Variants in DAG1 observed in about 807,000 individuals in gnomAD.
DAG1 encodes dystroglycan 1 (dystrophin-associated glycoprotein 1).
DAG1 carries 8 observed loss-of-function variants against 46.1 expected under a neutral mutation model. The ratio of observed to expected loss-of-function variants is 0.17; its 90% CI spans 0.10 to 0.31. The LOEUF (loss-of-function observed/expected upper bound fraction) is 0.31, where lower values mean the gene tolerates loss of function less well. Ranked by LOEUF, DAG1 falls within the 10% of genes least tolerant of loss-of-function variation. DAG1 has a pLI of 1.00. For synonymous variants in DAG1, 495 were observed against 481.8 expected (o/e 1.03, Z -0.36); for missense variants, 1,003 against 1,189.9 (o/e 0.84, Z 2.31).
chr3:49,501,008 G>T (rs1245261203), intron 1 of DAG1, among the ~76,000 whole-genome samples: 2 of 152,182 alleles, frequency 1.3e-5, no homozygotes, highest in Non-Finnish European at 2.9e-5. Flanking sequence ...TTGCTTATAG[G>T]AAGCCAGCAT....
Position 49,531,369 on chromosome 3 carries a change from G to A in DAG1, c.858G>A (p.Met286Ile). ...GVEAPAREGA[M>I]SAQLGYPVVG... is the part of the protein sequence containing the mutation. ...AGGCCCCTGCCAGGGAGGGCGCAAT[G>A]TCTGCTCAGCTTGGCTACCCTGTGG... The change falls in exon 3 of 3, where the codon ATG (methionine) becomes ATA (isoleucine). Residue 286 changes from methionine to isoleucine, a missense_variant. Transcript: ENST00000308775. This position sits in a 1 kb window ranked among gnomAD's most constrained non-coding sequence, Gnocchi z 7.0. 1 of 1,614,140 alleles carries A rather than the reference G, an allele frequency of 6.2e-7. No individual in the cohort carries two copies. The highest frequency in any genetic ancestry group is 8.5e-7 in the Non-Finnish European group (1 of 1,180,026).
At position 49,531,812 on chromosome 3, in the gene DAG1, C is replaced by T. The variant is rs1361406415; in HGVS notation, c.1301C>T (p.Pro434Leu). The part of the protein sequence containing the change: ...TKKPRVSTPK[P>L]ATPSTDSTTT... ...AAGCCACGAGTATCCACACCAAAACCAGCAACGCCTTCAACTGACTCCACC... is the reference window on the plus strand; with the variant it reads ...AAGCCACGAGTATCCACACCAAAACTAGCAACGCCTTCAACTGACTCCACC... Residue 434 changes from proline to leucine, a missense_variant, in exon 3 of 3, where the codon CCA (proline) becomes CTA (leucine). Pro to Leu is a moderately conservative substitution (Grantham distance 98). Coordinates refer to ENST00000308775, the MANE Select transcript of DAG1 (RefSeq NM_004393.6). This position sits in a 1 kb window ranked among gnomAD's most constrained non-coding sequence, Gnocchi z 7.0. The T allele has an allele frequency of 6.2e-7, 1 of 1,614,006 alleles. No homozygotes were observed. Among genetic ancestry groups the T allele is most frequent in the Non-Finnish European group, 8.5e-7 (1 of 1,180,008 alleles).
At position 49,533,334 on chromosome 3, in the gene DAG1, G is replaced by C. The variant is rs751477157; in HGVS notation, c.*135G>C. The C allele has an allele frequency of 7.6e-7, 1 of 1,323,248 alleles. No individual in the cohort carries two copies. Among genetic ancestry groups the C allele is most frequent in the Non-Finnish European group, 1.1e-6 (1 of 951,884 alleles). 82.0% of individuals were successfully genotyped at this position (1,323,248 alleles called of 1,614,324 possible). A position where few individuals can be genotyped will look rare whatever the true frequency, so the allele number is the denominator to read the frequency against. On this transcript the variant is annotated 3_prime_UTR_variant, in exon 3 of 3. Coordinates refer to ENST00000308775, the MANE Select transcript of DAG1 (RefSeq NM_004393.6). ...TGACCTAGCACACACTGACACAGGGGCCTGGACAAGCCCGCCCTCTCTGGT... is the reference window on the plus strand; with the variant it reads ...TGACCTAGCACACACTGACACAGGGCCCTGGACAAGCCCGCCCTCTCTGGT...
intron 2 of DAG1, among the ~76,000 whole-genome samples, chr3:49,511,445 A>T (rs1178203057): frequency 6.6e-6 from 1 of 152,152 alleles, no homozygotes; most frequent in African/African-American, 2.4e-5. Context: ...GAGTTTGTGG[A>T]ACCATGGAAT....
At chr3:49,479,922 G>C (rs1365394699) in intron 1 of DAG1, among the ~76,000 whole-genome samples, 4 of 145,414 alleles carry the variant, frequency 2.8e-5, no homozygotes, top group African/African-American at 1.0e-4. Flanking sequence ...TTACAGGCGT[G>C]AGCCCCCGCG....
At chr3:49,516,402 C>T (rs2050897573) in intron 2 of DAG1, among the ~76,000 whole-genome samples, 1 of 152,206 alleles carries the variant, frequency 6.6e-6, no homozygotes, top group Admixed American at 6.5e-5. Flanking sequence ...ACTAAGTTCA[C>T]CTGCTGCCCC....
At chr3:49,490,467 CTG>C (rs1425680762) in intron 1 of DAG1, among the ~76,000 whole-genome samples, 1 of 151,490 alleles carries the variant, frequency 6.6e-6, no homozygotes, top group Non-Finnish European at 1.5e-5. Flanking sequence ...TTGCATTTTG[CTG>C]TGTTTGCTCT....
chr3:49,529,233 G>C (rs1228343458), intron 2 of DAG1, among the ~76,000 whole-genome samples: 1 of 152,066 alleles, frequency 6.6e-6, no homozygotes, highest in Non-Finnish European at 1.5e-5. Flanking sequence ...GGGTCTCACT[G>C]TGTTGGCCAG....
chr3:49,473,651 T>C (rs2049591696), intron 1 of DAG1, among the ~76,000 whole-genome samples: 1 of 151,214 alleles, frequency 6.6e-6, no homozygotes, highest in South Asian at 2.1e-4. Flanking sequence ...GGCGTGATCT[T>C]GGCTCACTGC....
At chr3:49,499,681 G>A (rs2050396175) in intron 1 of DAG1, among the ~76,000 whole-genome samples, 1 of 152,080 alleles carries the variant, frequency 6.6e-6, no homozygotes, top group Non-Finnish European at 1.5e-5. Context: ...GCTCCTCATG[G>A]GCATCTCCCC....
chr3:49,472,471 A>G (rs1430054622), intron 1 of DAG1, among the ~76,000 whole-genome samples: 1 of 152,076 alleles, frequency 6.6e-6, no homozygotes, highest in African/African-American at 2.4e-5. Flanking sequence ...GACCACTTAG[A>G]CTGCCGTCGA....
At chr3:49,507,307 A>T (rs1413971685) in intron 1 of DAG1, among the ~76,000 whole-genome samples, 1 of 152,232 alleles carries the variant, frequency 6.6e-6, no homozygotes, top group African/African-American at 2.4e-5. Context: ...TCACACCTGT[A>T]ATCCCAGCAC....
Position 49,533,462 on chromosome 3 carries a change from T to C in DAG1, c.*263T>C, listed in dbSNP as rs774045655. 5.7e-5 allele frequency: 37 copies of C among 644,284 alleles called. No homozygotes were observed. The highest frequency in any genetic ancestry group is 1.3e-4 in the Admixed American group (6 of 47,644). The allele number at this position is 644,284 out of a possible 1,614,324, so 39.9% of individuals were successfully genotyped here. Reference sequence around the variant, plus strand: ...GTTCATAGAGAATTCTTCGCTTCATTTTTGATGGCTGGCTCTGAAAGCACC... The same window carrying C: ...GTTCATAGAGAATTCTTCGCTTCATCTTTGATGGCTGGCTCTGAAAGCACC... On this transcript the variant is annotated 3_prime_UTR_variant, in exon 3 of 3. Transcript: ENST00000308775.
chr3:49,532,477 G>T lies in DAG1; in HGVS notation c.1966G>T (p.Val656Leu), dbSNP rs1313375346. 1.2e-6 allele frequency: 2 copies of T among 1,614,064 alleles called. No individual in the cohort carries two copies. The highest frequency in any genetic ancestry group is 3.3e-5 in the Admixed American group (2 of 60,008). Residue 656 changes from valine (V) to leucine (L), a missense_variant, in exon 3 of 3, where the codon GTG becomes TTG. Physicochemically the swap from Val to Leu is conservative, Grantham distance 32 (BLOSUM62 1). Transcript: ENST00000308775. This position sits in a 1 kb window ranked among gnomAD's most constrained non-coding sequence, Gnocchi z 5.4. ...GCAGAATATCACCCGGGGCTCCATC[G>T]TGGTGGAATGGACCAACAACACACT... is the stretch of plus-strand genomic sequence containing the variant. ...TLQNITRGSIVVEWTNNTLPL... is the reference protein window; with the variant it reads ...TLQNITRGSILVEWTNNTLPL...
intron 1 of DAG1, among the ~76,000 whole-genome samples, chr3:49,480,857 G>A (rs1239932087): frequency 1.5e-5 from 2 of 134,124 alleles, no homozygotes; most frequent in African/African-American, 5.1e-5. Context: ...CGCCTCCCGG[G>A]TTCACGCCAT....
At chr3:49,481,233 CAA>C (rs1359492611) in intron 1 of DAG1, among the ~76,000 whole-genome samples, 6 of 114,336 alleles carry the variant, frequency 5.2e-5, no homozygotes, top group Admixed American at 1.8e-4. Flanking sequence ...ACTAAAAATA[CAA>C]AAAAAAAAAA....
At chr3:49,505,618 A>G (rs917583151) in intron 1 of DAG1, among the ~76,000 whole-genome samples, 4 of 152,276 alleles carry the variant, frequency 2.6e-5, no homozygotes, top group South Asian at 2.1e-4. Flanking sequence ...CTACATAGAC[A>G]ATTATGTCAT....
At chr3:49,505,074 A>G (rs1395552382) in intron 1 of DAG1, among the ~76,000 whole-genome samples, 10 of 150,414 alleles carry the variant, frequency 6.6e-5, no homozygotes, top group Non-Finnish European at 1.3e-4. Context: ...TGGCTCACTG[A>G]GCCTTGACCT....
rs891589077 is a variant in DAG1, at chr3:49,519,276, C to T, written c.285+8457C>T. 5.9e-5 allele frequency among the ~76,000 whole-genome samples: 9 copies of T among 152,280 alleles called. No homozygotes were observed. In the East Asian group the frequency reaches 1.5e-3, roughly 26 times the overall value. On this transcript the variant is annotated intron_variant, in intron 2 of 2. Transcript: ENST00000308775. Reference sequence around the variant, plus strand: ...ATTTCATGAAATGCCCAGGCTGCCCCTCAGATGTCTCATTTTGGTAGAGCC... The same window carrying T: ...ATTTCATGAAATGCCCAGGCTGCCCTTCAGATGTCTCATTTTGGTAGAGCC...
Sources: allele counts gnomAD v4.1 joint callset (sites outside exome capture counted in the v4.1 genomes callset), GRCh38; gene constraint gnomAD v4.1.1; non-coding constraint Gnocchi (gnomAD v3.1); transcripts MANE v1.5; gene names NCBI Gene and HGNC (gene_info 2026-07-23, HGNC 2026-07-21).